BTG4: variants seen among roughly 807,000 people sequenced by gnomAD.
The protein encoded by BTG4 is BTG anti-proliferation factor 4, also known as protein BTG4.
BTG4 carries 10 observed loss-of-function variants against 19.3 expected under a neutral mutation model. That is an observed-to-expected ratio of 0.52 (90% confidence interval 0.32 to 0.88). The LOEUF (loss-of-function observed/expected upper bound fraction) is 0.88, where lower values mean the gene tolerates loss of function less well. Ranked by LOEUF, BTG4 falls within the 40% of genes least tolerant of loss-of-function variation. The probability of loss-of-function intolerance (pLI) is 0.04; values close to 1 mark genes in which losing one functional copy is unlikely to be tolerated. For synonymous variants in BTG4, 91 were observed against 95.7 expected, an observed-to-expected ratio of 0.95 and a Z score of 0.29; for missense variants, 238 against 281.9, an observed-to-expected ratio of 0.84 and a Z score of 1.11.
chr11:111,498,794 T>TA lies in BTG4; in HGVS notation c.-19dup, dbSNP rs753379016. 3.1e-6 allele frequency: 5 copies of TA among 1,590,388 alleles called. No individual in the cohort carries two copies. The Admixed American group carries it at 8.8e-5, about 28-fold the overall frequency. The stretch of plus-strand genomic sequence containing the variant: ...TCTCTCATGATTCAAGAAAAATAGA[T>TA]AAGGAGGTCTGAATCATTAAAAGGA... On this transcript the variant is annotated 5_prime_UTR_variant, in exon 2 of 5. Coordinates refer to ENST00000692032, the MANE Select transcript of BTG4 (RefSeq NM_001367975.1).
chr11:111,386,769 G>C, the BTG4 span, among the ~76,000 whole-genome samples: 1 of 152,204 alleles, frequency 6.6e-6, no homozygotes, highest in Admixed American at 6.5e-5. Context: ...GTAATCCACA[G>C]GTAAAATACC....
At chr11:111,455,851 G>A in the BTG4 span, 32 of 455,588 alleles carry the variant, frequency 7.0e-5, 1 homozygote, top group Admixed American at 5.2e-4. Context: ...TCTGGGCACC[G>A]GCACTGGGGC....
chr11:111,387,439 G>C, the BTG4 span, among the ~76,000 whole-genome samples: 1 of 152,218 alleles, frequency 6.6e-6, no homozygotes, highest in African/African-American at 2.4e-5. Context: ...TCATATTCAT[G>C]TGATCAAATA....
the BTG4 span, chr11:111,452,660 T>C: frequency 3.9e-5 from 6 of 152,346 alleles, no homozygotes; most frequent in Middle Eastern, 0.014. Flanking sequence ...TTCCTGTTTA[T>C]GATAAGCATT....
the BTG4 span, chr11:111,455,978 C>A: frequency 2.9e-6 from 1 of 344,488 alleles, no homozygotes; most frequent in Non-Finnish European, 6.1e-6. Context: ...CCCAGACACC[C>A]AGCAGGGGAG....
chr11:111,450,370 C>A, the BTG4 span: 1 of 152,720 alleles, frequency 6.5e-6, no homozygotes, highest in African/African-American at 2.4e-5. Context: ...GCCTTCCCCA[C>A]CACGTGCTGT....
chr11:111,456,137 G>A, the BTG4 span, among the ~76,000 whole-genome samples: 160 of 152,300 alleles, frequency 1.1e-3, no homozygotes, highest in African/African-American at 3.5e-3. The surrounding 1 kb of genome is among the most constrained non-coding windows in gnomAD (Gnocchi z 4.2). Context: ...TTATAGATCC[G>A]GAGGCACTTC....
At chr11:111,456,410 T>C in the BTG4 span, 1 of 419,590 alleles carries the variant, frequency 2.4e-6, no homozygotes, top group South Asian at 1.7e-5. This position sits in a 1 kb window ranked among gnomAD's most constrained non-coding sequence, Gnocchi z 4.2. Context: ...TGGGGAGGAG[T>C]TCTCACCAGC....
At chr11:111,514,099 C>A (rs1344921947), upstream of BTG4, 1 of 152,768 alleles carries the variant, frequency 6.5e-6, no homozygotes, top group Non-Finnish European at 1.5e-5. Flanking sequence ...TTTCATACTT[C>A]TTTTTTCCAT....
At chr11:111,403,818 G>A in the BTG4 span, among the ~76,000 whole-genome samples, 1 of 152,212 alleles carries the variant, frequency 6.6e-6, no homozygotes, top group African/African-American at 2.4e-5. Context: ...TGATGGTAAT[G>A]ATGGTGGTGA....
intron 5 of BTG4, among the ~76,000 whole-genome samples, chr11:111,487,824 A>C (rs963909211): frequency 3.3e-5 from 5 of 152,314 alleles, no homozygotes; most frequent in African/African-American, 1.2e-4. Flanking sequence ...AACAGTAAAC[A>C]ATCTGAAAAA....
At chr11:111,434,564 T>C in the BTG4 span, among the ~76,000 whole-genome samples, 3 of 137,322 alleles carry the variant, frequency 2.2e-5, no homozygotes, top group Non-Finnish European at 4.6e-5. Context: ...TTAAAAATAA[T>C]AATAAATTTT....
At chr11:111,426,058 C>G in the BTG4 span, among the ~76,000 whole-genome samples, 1 of 152,038 alleles carries the variant, frequency 6.6e-6, no homozygotes, top group East Asian at 1.9e-4. Context: ...GAGAAACTGA[C>G]CTGGGCTCTA....
intron 5 of BTG4, among the ~76,000 whole-genome samples, chr11:111,486,396 C>G (rs536014101): frequency 6.6e-6 from 1 of 152,204 alleles, no homozygotes; most frequent in East Asian, 1.9e-4. Context: ...AAGATCACAC[C>G]CCTGCACTCC....
chr11:111,449,106 T>C, the BTG4 span, among the ~76,000 whole-genome samples: 267 of 152,158 alleles, frequency 1.8e-3, no homozygotes, highest in African/African-American at 6.1e-3. Flanking sequence ...GTCTCAAGTC[T>C]CTTTTTTTAT....
intron 2 of BTG4, 142 bp from the exon 3 acceptor site, chr11:111,498,277 C>G (rs1865860925): frequency 1.1e-6 from 1 of 883,632 alleles, no homozygotes; most frequent in South Asian, 1.6e-5. Context: ...CCACCCTCCA[C>G]TCTTACAAGT....
At chr11:111,509,911 CTTTTTTTTTT>C (rs1450409427) in intron 1 of BTG4, among the ~76,000 whole-genome samples, 1 of 114,724 alleles carries the variant, frequency 8.7e-6, no homozygotes. Flanking sequence ...TTTCTTTTTT[CTTTTTTTTTT>C]TTTTTTTTGA....
the BTG4 span, among the ~76,000 whole-genome samples, chr11:111,461,501 A>G: frequency 6.6e-6 from 1 of 152,164 alleles, no homozygotes; most frequent in Non-Finnish European, 1.5e-5. Context: ...TGGGAGGATC[A>G]CCTGAGGTCA....
chr11:111,438,906 G>A, the BTG4 span, among the ~76,000 whole-genome samples: 1 of 152,168 alleles, frequency 6.6e-6, no homozygotes, highest in Non-Finnish European at 1.5e-5. Context: ...TGTCCCTGCT[G>A]TCCTATCCAT....
Sources: gnomAD v4.1 joint callset for allele counts (sites outside exome capture counted in the v4.1 genomes callset) on GRCh38, gnomAD v4.1.1 for gene constraint, Gnocchi (gnomAD v3.1) non-coding constraint, MANE v1.5 for transcripts, NCBI Gene and HGNC (gene_info 2026-07-23, HGNC 2026-07-21) for gene names.